The following SLC8A1 variants were observed in gnomAD, a reference collection of about 807,000 sequenced individuals.
The protein encoded by SLC8A1 is solute carrier family 8 member A1.
A neutral mutation model predicts 68.3 loss-of-function variants in SLC8A1; 18 were observed. That is an observed-to-expected ratio of 0.26 (90% CI 0.18 to 0.39). SLC8A1 has a LOEUF of 0.39. SLC8A1 is among the 10% of genes least tolerant of loss of function. The pLI, the probability that SLC8A1 is intolerant of heterozygous loss-of-function variation, is 1.00. For missense variants in SLC8A1, 985 were observed against 1,156.7 expected (o/e 0.85, Z 2.15); for synonymous variants, 475 against 415.5 (o/e 1.14, Z -1.74).
intron 2 of SLC8A1, among the ~76,000 whole-genome samples, chr2:40,358,601 T>G (rs899621941): frequency 1.3e-5 from 2 of 152,214 alleles, no homozygotes; most frequent in African/African-American, 4.8e-5. Flanking sequence ...ATTAAATTAA[T>G]GCATGCATAA....
At chr2:40,166,373 T>C (rs987723177) in intron 4 of SLC8A1, among the ~76,000 whole-genome samples, 2 of 152,200 alleles carry the variant, frequency 1.3e-5, no homozygotes, top group African/African-American at 4.8e-5. Context: ...AGCATATTGA[T>C]TAATTCTTTA....
intron 7 of SLC8A1, among the ~76,000 whole-genome samples, chr2:40,137,580 G>A (rs1416836854): frequency 6.6e-6 from 1 of 152,062 alleles, no homozygotes; most frequent in African/African-American, 2.4e-5. Flanking sequence ...CCACAATGTT[G>A]ATTCCTTTGG....
At chr2:40,238,152 T>G (rs1222799613) in intron 2 of SLC8A1, among the ~76,000 whole-genome samples, 1 of 152,238 alleles carries the variant, frequency 6.6e-6, no homozygotes, top group Non-Finnish European at 1.5e-5. Context: ...GCTTCCCGGC[T>G]GCTTTGTTTA....
intron 2 of SLC8A1, among the ~76,000 whole-genome samples, chr2:40,267,977 C>G (rs573596586): frequency 2.0e-5 from 3 of 152,140 alleles, no homozygotes; most frequent in East Asian, 1.9e-4. Flanking sequence ...ATCTCTCGGA[C>G]AGTGGGATGA....
chr2:40,253,384 C>T (rs968853374), intron 2 of SLC8A1, among the ~76,000 whole-genome samples: 3 of 151,318 alleles, frequency 2.0e-5, no homozygotes, highest in Non-Finnish European at 2.9e-5. Flanking sequence ...AAATAAAATC[C>T]TGTCATTTGC....
chr2:40,169,003 TCTC>T (rs2047014082), intron 4 of SLC8A1, among the ~76,000 whole-genome samples: 1 of 152,168 alleles, frequency 6.6e-6, no homozygotes, highest in Non-Finnish European at 1.5e-5. Context: ...GGATCTCCCT[TCTC>T]CTGAGTAATT....
chr2:40,198,573 G>C (rs529441022), intron 2 of SLC8A1, among the ~76,000 whole-genome samples: 2 of 152,016 alleles, frequency 1.3e-5, no homozygotes, highest in East Asian at 1.9e-4. Flanking sequence ...CTGACCCAGA[G>C]TATAAATACA....
intron 2 of SLC8A1, among the ~76,000 whole-genome samples, chr2:40,334,405 A>G (rs1010960968): frequency 1.3e-5 from 2 of 152,250 alleles, no homozygotes; most frequent in East Asian, 3.8e-4. Flanking sequence ...GTTTAAGGCC[A>G]TATATCTGGA....
chr2:40,511,286 T>C (rs559477213), intron 1 of SLC8A1, among the ~76,000 whole-genome samples: 97 of 152,292 alleles, frequency 6.4e-4, no homozygotes, highest in African/African-American at 2.3e-3. Flanking sequence ...CTTGTGTAAA[T>C]TTTTTTAATT....
intron 2 of SLC8A1, among the ~76,000 whole-genome samples, chr2:40,425,564 CA>C (rs970945114): frequency 4.0e-5 from 6 of 151,872 alleles, no homozygotes; most frequent in Middle Eastern, 3.4e-3. Context: ...ATTAAACAAA[CA>C]TTTTTTTTTC....
intron 2 of SLC8A1, among the ~76,000 whole-genome samples, chr2:40,352,426 G>C (rs1671382547): frequency 6.6e-6 from 1 of 152,118 alleles, no homozygotes; most frequent in African/African-American, 2.4e-5. Flanking sequence ...TTGGGAAATG[G>C]ATGTTCTATT....
chr2:40,206,449 T>C (rs1487555386), intron 2 of SLC8A1, among the ~76,000 whole-genome samples: 3 of 152,094 alleles, frequency 2.0e-5, no homozygotes, highest in Non-Finnish European at 4.4e-5. Context: ...GCTTATTAAA[T>C]GAAAGTTTTC....
intron 2 of SLC8A1, among the ~76,000 whole-genome samples, chr2:40,398,904 G>C (rs564188001): frequency 6.6e-5 from 10 of 152,260 alleles, no homozygotes; most frequent in African/African-American, 2.4e-4. Flanking sequence ...TGCAAAATTT[G>C]TCAGTGTGGC....
intron 2 of SLC8A1, chr2:40,190,584 GT>G (rs2051604364): frequency 6.6e-6 from 1 of 152,032 alleles, no homozygotes; most frequent in South Asian, 2.1e-4. Context: ...ATTTTCTTTG[GT>G]AACTCAGTAC....
At chr2:40,098,899 G>A (rs2033729844) in exon 8 of SLC8A1, 1 of 151,954 alleles carries the variant, frequency 6.6e-6, no homozygotes, top group Non-Finnish European at 1.5e-5. Context: ...ATGGTCTTTG[G>A]CAGAAGACTT....
intron 1 of SLC8A1, among the ~76,000 whole-genome samples, chr2:40,467,306 A>T (rs1268428524): frequency 6.6e-6 from 1 of 152,120 alleles, no homozygotes; most frequent in Non-Finnish European, 1.5e-5. Flanking sequence ...TGGAGCACTG[A>T]TGTATATGAA....
chr2:40,151,840 T>C (rs1048203628), intron 6 of SLC8A1, among the ~76,000 whole-genome samples: 9 of 152,208 alleles, frequency 5.9e-5, no homozygotes. Context: ...TGAGGTTTTA[T>C]AAAAGATAAA....
At chr2:40,359,369 G>C (rs564548106) in intron 2 of SLC8A1, among the ~76,000 whole-genome samples, 1 of 152,152 alleles carries the variant, frequency 6.6e-6, no homozygotes, top group African/African-American at 2.4e-5. Flanking sequence ...GTACATACAT[G>C]ACTCATATTT....
chr2:40,473,506 T>G (rs751361055), intron 1 of SLC8A1, among the ~76,000 whole-genome samples: 164 of 152,332 alleles, frequency 1.1e-3, no homozygotes, highest in Middle Eastern at 0.01. Flanking sequence ...TTAATCTGCT[T>G]TTTCCCCAAA....
Sources: gnomAD v4.1 joint callset for allele counts (sites outside exome capture counted in the v4.1 genomes callset) on GRCh38, gnomAD v4.1.1 for gene constraint, MANE v1.5 for transcripts, NCBI Gene and HGNC (gene_info 2026-07-23, HGNC 2026-07-21) for gene names.